The following NUP210 variants were observed in gnomAD, a reference collection of about 807,000 sequenced individuals.
The protein encoded by NUP210 is nuclear pore membrane glycoprotein 210.
NUP210 carries 151 observed loss-of-function variants against 196.0 expected under a neutral mutation model. The ratio of observed to expected loss-of-function variants is 0.77; its 90% CI spans 0.67 to 0.88. The LOEUF (loss-of-function observed/expected upper bound fraction) is 0.88. Ranked by LOEUF, NUP210 falls within the 40% of genes least tolerant of loss-of-function variation. The pLI, the probability that NUP210 is intolerant of heterozygous loss-of-function variation, is 0.00. For synonymous variants in NUP210, 1,070 were observed against 1,052.7 expected (o/e 1.02, Z -0.32); for missense variants, 2,314 against 2,493.7 (o/e 0.93, Z 1.53).
Position 13,379,618 on chromosome 3 carries a change from C to T in NUP210, c.921G>A (p.Thr307=), listed in dbSNP as rs776485032. The T allele has an allele frequency of 2.2e-5, 36 of 1,613,990 alleles. No homozygotes were observed. Among genetic ancestry groups the T allele is most frequent in the African/African-American group, 1.2e-4 (9 of 74,918 alleles). ...ARPVAVLAQD[T]SMVTALQLGQ... The stretch of plus-strand genomic sequence containing the variant: ...CCAGCTGCAGTGCAGTGACCATCGA[C>T]GTGTCCTGGGCCAAGACAGCCACCG... The change falls in exon 7 of 40, where the codon ACG becomes ACA. Residue 307 remains threonine, a synonymous_variant. Coordinates refer to ENST00000254508, the MANE Select transcript of NUP210 (RefSeq NM_024923.4). This position sits in a 1 kb window ranked among gnomAD's most constrained non-coding sequence, Gnocchi z 4.2.
At chr3:13,324,458 G>A (rs970883121) in intron 33 of NUP210, among the ~76,000 whole-genome samples, 2 of 152,016 alleles carry the variant, frequency 1.3e-5, no homozygotes, top group Non-Finnish European at 2.9e-5. Context: ...CTAGCTCCCC[G>A]GCCCAGGCTC....
intron 13 of NUP210, among the ~76,000 whole-genome samples, chr3:13,370,910 A>T (rs1698709403): frequency 6.6e-6 from 1 of 152,196 alleles, no homozygotes; most frequent in Non-Finnish European, 1.5e-5. Context: ...CACTGCCTGG[A>T]CACTAGGTCC....
intron 14 of NUP210, among the ~76,000 whole-genome samples, chr3:13,362,839 C>T (rs1021078529): frequency 2.6e-5 from 4 of 152,132 alleles, no homozygotes; most frequent in Admixed American, 6.5e-5. Context: ...GTTCTGCATG[C>T]CACTCAGGCC....
In NUP210 at chr3:13,358,312, G is replaced by A. The variant is rs1417235858; in HGVS notation, c.2238C>T (p.Cys746=). Reference sequence around the variant, plus strand: ...CGAGGGTGAGCCTGGACGGTGGGGCGCAGACGAACTTCACCACGGCAGGCT... The same window carrying A: ...CGAGGGTGAGCCTGGACGGTGGGGCACAGACGAACTTCACCACGGCAGGCT... ...AVEPAVVKFV[C]APPSRLTLAP... is the part of the protein sequence containing the mutation. The change falls in exon 16 of 40, where the codon TGC becomes TGT. Residue 746 remains cysteine, a synonymous_variant. Coordinates refer to ENST00000254508, the MANE Select transcript of NUP210 (RefSeq NM_024923.4). The A allele has an allele frequency of 1.9e-5, 30 of 1,613,740 alleles. No homozygotes were observed. The highest frequency in any genetic ancestry group is 1.6e-4 in the Middle Eastern group (1 of 6,078).
At chr3:13,355,191 C>T (rs988673196) in intron 16 of NUP210, among the ~76,000 whole-genome samples, 1 of 152,202 alleles carries the variant, frequency 6.6e-6, no homozygotes, top group Non-Finnish European at 1.5e-5. Flanking sequence ...AAGTGGGCAG[C>T]CATGAGCATC....
intron 1 of NUP210, among the ~76,000 whole-genome samples, chr3:13,414,403 G>A (rs1700276756): frequency 6.6e-6 from 1 of 152,230 alleles, no homozygotes; most frequent in Admixed American, 6.5e-5. Flanking sequence ...CGGGCCTGGT[G>A]AAGGGAGTTG....
chr3:13,399,947 T>C, intron 1 of NUP210, 86 bp from the exon 2 acceptor site: 2 of 1,471,618 alleles, frequency 1.4e-6, no homozygotes, highest in Non-Finnish European at 1.8e-6. Flanking sequence ...GGCACCCGTC[T>C]AGGGCGCAGT....
At chr3:13,397,718 A>G (rs1265772637) in intron 2 of NUP210, among the ~76,000 whole-genome samples, 1 of 152,192 alleles carries the variant, frequency 6.6e-6, no homozygotes, top group Non-Finnish European at 1.5e-5. Context: ...CCAGCAGGGC[A>G]CCAGCATTTA....
In NUP210 at chr3:13,339,887, A is replaced by C. The variant is rs1366688155; in HGVS notation, c.3438T>G (p.Asp1146Glu). Residue 1146 changes from aspartate to glutamate, a missense_variant, in exon 25 of 40, where the codon GAT (aspartate) becomes GAG (glutamate). By Grantham distance (45) the Asp-to-Glu change is conservative (BLOSUM62 2). Transcript: ENST00000254508. ...TGATGACCACCTTGCCGGTCTCTGC[A>C]TCCACTGCCTGCACGAGCCCAGACA... ...GTVSGLVQAV[D>E]AETGKVVIIS... is the part of the protein sequence containing the mutation. 6.2e-7 allele frequency: 1 copy of C among 1,613,952 alleles called. No homozygotes were observed. The highest frequency in any genetic ancestry group is 8.5e-7 in the Non-Finnish European group (1 of 1,180,014).
chr3:13,337,903 C>T lies in NUP210; in HGVS notation c.3486G>A (p.Val1162=), dbSNP rs762557662. Residue 1162 remains valine, a synonymous_variant, in exon 26 of 40, where the codon GTG becomes GTA. Coordinates refer to ENST00000254508, the MANE Select transcript of NUP210 (RefSeq NM_024923.4). ...TCACGGCCCTTAGCAGCAGCACCTC[C>T]ACCTGCACGAGGTCCTGGGGAAACA... ...VVIISQDLVQ[V]EVLLLRAVRI... 1 of 1,612,902 alleles carries T rather than the reference C, an allele frequency of 6.2e-7. No homozygotes were observed. The highest frequency in any genetic ancestry group is 8.5e-7 in the Non-Finnish European group (1 of 1,179,870).
At chr3:13,361,957 A>G (rs1373975062) in intron 14 of NUP210, among the ~76,000 whole-genome samples, 1 of 152,062 alleles carries the variant, frequency 6.6e-6, no homozygotes. Context: ...TGCAGGGCTC[A>G]GCACACTGGC....
intron 26 of NUP210, 108 bp downstream of exon 26, chr3:13,337,729 A>C: frequency 4.1e-6 from 4 of 986,000 alleles, no homozygotes; most frequent in Non-Finnish European, 6.1e-6. Flanking sequence ...GGCCCTAGAT[A>C]CCCGGGCCAG....
At chr3:13,373,549 T>C (rs779073049) in intron 12 of NUP210, among the ~76,000 whole-genome samples, 169 bp downstream of exon 12, 26 of 152,204 alleles carry the variant, frequency 1.7e-4, no homozygotes, top group Non-Finnish European at 2.9e-4. Flanking sequence ...ATCCTGTCCA[T>C]CTTCCTGACA....
chr3:13,405,071 T>G (rs952601977), intron 1 of NUP210, among the ~76,000 whole-genome samples: 2 of 152,160 alleles, frequency 1.3e-5, no homozygotes, highest in Non-Finnish European at 2.9e-5. Context: ...GTGTGAGGAT[T>G]AACTTTACAT....
chr3:13,354,043 C>T lies in NUP210; in HGVS notation c.2393G>A (p.Arg798Gln), dbSNP rs753120418. 1.9e-5 allele frequency: 30 copies of T among 1,606,620 alleles called. No individual in the cohort carries two copies. The highest frequency in any genetic ancestry group is 1.3e-4 in the South Asian group (12 of 89,570). The change falls in exon 17 of 40, where the codon CGG becomes CAG. Residue 798 changes from arginine to glutamine, a missense_variant. Coordinates refer to ENST00000254508, the MANE Select transcript of NUP210 (RefSeq NM_024923.4). ...GCTCAGAGAGCTGAAGTTGTCGAAC[C>T]GGCGGCCCTCCTGGTCGTAAGCAGC... ...DLAAYDQEGR[R>Q]FDNFSSLSIQ...
In NUP210 at chr3:13,371,898, G is replaced by A. The variant is rs754885907; in HGVS notation, c.1722C>T (p.Ser574=). Reference sequence around the variant, plus strand: ...CAGCCAAGTCAAAGTGGGAGCAGTCGCTCAAGGTGACCACCTCACTGGCCC... The same window carrying A: ...CAGCCAAGTCAAAGTGGGAGCAGTCACTCAAGGTGACCACCTCACTGGCCC... ...PGGASEVVTL[S]DCSHFDLAVE... is the part of the protein sequence containing the mutation. The change falls in exon 13 of 40, where the codon AGC becomes AGT. Residue 574 remains serine, a synonymous_variant. Coordinates refer to ENST00000254508, the MANE Select transcript of NUP210 (RefSeq NM_024923.4). The A allele has an allele frequency of 1.4e-5, 22 of 1,609,970 alleles. No individual in the cohort carries two copies. Among genetic ancestry groups the A allele is most frequent in the Non-Finnish European group, 1.9e-5 (22 of 1,178,532 alleles).
intron 10 of NUP210, among the ~76,000 whole-genome samples, chr3:13,375,929 TA>T (rs955757293): frequency 6.6e-6 from 1 of 152,182 alleles, no homozygotes; most frequent in African/African-American, 2.4e-5. Context: ...GCTTGAGAGC[TA>T]AAGCAGCCCG....
At chr3:13,354,175 G>A (rs1292395083) in intron 16 of NUP210, 68 bp from the exon 17 acceptor site, 9 of 1,336,096 alleles carry the variant, frequency 6.7e-6, no homozygotes, top group Non-Finnish European at 9.3e-6. Flanking sequence ...ACCACGCAGT[G>A]CACTCTGAGG....
intron 20 of NUP210, among the ~76,000 whole-genome samples, chr3:13,349,039 G>GT (rs534327348): frequency 2.0e-4 from 28 of 141,534 alleles, no homozygotes; most frequent in Admixed American, 5.6e-4. Context: ...GCAGGACAGT[G>GT]TAAGGAGGCC....
Sources: gnomAD v4.1 joint callset for allele counts (sites outside exome capture counted in the v4.1 genomes callset) on GRCh38, gnomAD v4.1.1 for gene constraint, Gnocchi (gnomAD v3.1) non-coding constraint, MANE v1.5 for transcripts, NCBI Gene and HGNC (gene_info 2026-07-23, HGNC 2026-07-21) for gene names.